Variants in BPIFA2 observed in about 807,000 individuals in gnomAD.
BPIFA2 encodes the protein BPI fold-containing family A member 2.
BPIFA2 carries 20 observed loss-of-function variants against 25.7 expected under a neutral mutation model. The ratio of observed to expected loss-of-function variants is 0.78; its 90% CI spans 0.55 to 1.13. The LOEUF is 1.13. Ranked by LOEUF, BPIFA2 falls within the 50% of genes most tolerant of loss-of-function variation. The pLI, the probability that BPIFA2 is intolerant of heterozygous loss-of-function variation, is 0.00. For missense variants in BPIFA2, 300 were observed against 298.1 expected, an observed-to-expected ratio of 1.01 and a Z score of -0.05; for synonymous variants, 126 against 124.3, an observed-to-expected ratio of 1.01 and a Z score of -0.09.
upstream of BPIFA2, among the ~76,000 whole-genome samples, chr20:33,163,984 C>T (rs1983649849): frequency 6.6e-6 from 1 of 152,082 alleles, no homozygotes; most frequent in Non-Finnish European, 1.5e-5. Context: ...CAGTCCCTGC[C>T]TCTGGTTGCT....
chr20:33,174,260 G>C (rs904455378), intron 4 of BPIFA2, 74 bp downstream of exon 4: 8 of 1,327,980 alleles, frequency 6.0e-6, no homozygotes, highest in Non-Finnish European at 8.7e-6. Flanking sequence ...CCTGGGAATC[G>C]GGCACCTCCT....
chr20:33,178,369 T>C (rs549553112), intron 6 of BPIFA2, 141 bp downstream of exon 6: 24 of 610,916 alleles, frequency 3.9e-5, no homozygotes, highest in South Asian at 2.9e-4. Context: ...AGCTTCCTCC[T>C]CTACTAATCA....
At chr20:33,173,208 C>T in intron 3 of BPIFA2, 132 bp downstream of exon 3, 1 of 1,063,806 alleles carries the variant, frequency 9.4e-7, no homozygotes. Context: ...GTGGTCTGAG[C>T]AAGGCCAGAC....
chr20:33,176,523 C>T (rs1984082871), intron 5 of BPIFA2, among the ~76,000 whole-genome samples: 2 of 152,230 alleles, frequency 1.3e-5, no homozygotes, highest in African/African-American at 4.8e-5. Context: ...AAGAAAGTTT[C>T]CATAGCCTGA....
At chr20:33,180,306 A>G (rs1288544410) in intron 7 of BPIFA2, among the ~76,000 whole-genome samples, 4 of 152,140 alleles carry the variant, frequency 2.6e-5, no homozygotes, top group African/African-American at 9.7e-5. Flanking sequence ...TGTACACACT[A>G]TCTCACTGGA....
upstream of BPIFA2, among the ~76,000 whole-genome samples, chr20:33,164,647 C>A: frequency 6.6e-6 from 1 of 151,856 alleles, no homozygotes; most frequent in South Asian, 2.1e-4. Context: ...TTCTTTCCCT[C>A]CCTCTCTCTT....
At chr20:33,179,960 G>T (rs542930092) in intron 7 of BPIFA2, among the ~76,000 whole-genome samples, 1 of 152,308 alleles carries the variant, frequency 6.6e-6, no homozygotes, top group South Asian at 2.1e-4. Flanking sequence ...GCTCACACTT[G>T]TAATCCTAGC....
chr20:33,175,688 T>A lies in BPIFA2; in HGVS notation c.563+129T>A, dbSNP rs777653455. ...TTCAGGCTCTGGAGTCATGTTGACCTTGGTTTACACATCAGCTCTGCCACT... is the reference window on the plus strand; with the variant it reads ...TTCAGGCTCTGGAGTCATGTTGACCATGGTTTACACATCAGCTCTGCCACT... On this transcript the variant is annotated intron_variant, in intron 5 of 8. Coordinates refer to ENST00000354932, the MANE Select transcript of BPIFA2 (RefSeq NM_080574.4). The A allele has an allele frequency of 6.1e-5, 63 of 1,031,008 alleles. 1 individual carries two copies. The highest frequency in any genetic ancestry group is 6.9e-5 in the Non-Finnish European group (50 of 726,738). 63.9% of individuals were successfully genotyped at this position (1,031,008 alleles called of 1,614,324 possible).
exon 1 of BPIFA2, chr20:33,161,876 C>G (rs886267065): frequency 1.3e-5 from 2 of 152,234 alleles, no homozygotes; most frequent in Admixed American, 6.5e-5. Context: ...AATTGTCCAG[C>G]AGAAACAGAG....
rs867201242 is a variant in BPIFA2, at chr20:33,179,604, A to T, written c.646A>T (p.Ile216Leu). The T allele has an allele frequency of 6.2e-7, 1 of 1,609,176 alleles. No homozygotes were observed. Among genetic ancestry groups the T allele is most frequent in the South Asian group, 1.1e-5 (1 of 90,980 alleles). Reference sequence around the variant, plus strand: ...CTCTTCCTCCTTTCTCCGCTGTCAGATATGTCCACTGATCCGCATCTTCAT... The same window carrying T: ...CTCTTCCTCCTTTCTCCGCTGTCAGTTATGTCCACTGATCCGCATCTTCAT... ...STVSSLLQKE[I>L]CPLIRIFIHS... The change falls in exon 7 of 9, where the codon ATA becomes TTA. Residue 216 changes from isoleucine (I) to leucine (L), a missense_variant and splice_region_variant. Physicochemically the swap from Ile to Leu is conservative, Grantham distance 5 (BLOSUM62 2). Transcript: ENST00000354932.
At chr20:33,164,841 C>T (rs1007989506), upstream of BPIFA2, among the ~76,000 whole-genome samples, 5 of 152,208 alleles carry the variant, frequency 3.3e-5, no homozygotes, top group Non-Finnish European at 5.9e-5. Flanking sequence ...GTGAAAACTC[C>T]TTTAAATTTT....
upstream of BPIFA2, among the ~76,000 whole-genome samples, chr20:33,167,688 G>A (rs1983765793): frequency 6.6e-6 from 1 of 152,154 alleles, no homozygotes; most frequent in African/African-American, 2.4e-5. Flanking sequence ...AGGACCCCTG[G>A]GAGGCTGTCT....
chr20:33,163,798 A>G (rs1452627949), upstream of BPIFA2, among the ~76,000 whole-genome samples: 1 of 151,830 alleles, frequency 6.6e-6, no homozygotes, highest in Non-Finnish European at 1.5e-5. Flanking sequence ...AAATATATAT[A>G]TATATATATG....
At chr20:33,175,644 A>G in intron 5 of BPIFA2, 85 bp downstream of exon 5, 1 of 1,438,454 alleles carries the variant, frequency 7.0e-7, no homozygotes, top group Non-Finnish European at 9.5e-7. Flanking sequence ...ACCTAAGAGG[A>G]GGCCTAGTGG....
intron 6 of BPIFA2, among the ~76,000 whole-genome samples, chr20:33,178,546 A>T (rs1984162941): frequency 6.6e-6 from 1 of 152,236 alleles, no homozygotes; most frequent in Non-Finnish European, 1.5e-5. Flanking sequence ...TATTTTTAAA[A>T]ATAAAACTTT....
At chr20:33,178,271 G>A in intron 6 of BPIFA2, 43 bp downstream of exon 6, 7 of 1,440,844 alleles carry the variant, frequency 4.9e-6, no homozygotes, top group South Asian at 1.2e-5. Flanking sequence ...GGCCTGGTGG[G>A]GGCAGGTGGG....
chr20:33,172,850 C>T, intron 2 of BPIFA2, 82 bp from the exon 3 acceptor site: 1 of 1,422,320 alleles, frequency 7.0e-7, no homozygotes, highest in Non-Finnish European at 9.5e-7. Flanking sequence ...ATAACATAGG[C>T]AAACAGTCTT....
At chr20:33,180,423 TCAGGTTAC>T in intron 7 of BPIFA2, 89 bp from the exon 8 acceptor site, 1 of 1,365,470 alleles carries the variant, frequency 7.3e-7, no homozygotes, top group South Asian at 1.2e-5. Context: ...CCCACAACTG[TCAGGTTAC>T]CGGCTGGAGA....
In BPIFA2 at chr20:33,169,316, G is replaced by T. The variant is rs765945427; in HGVS notation, c.157+14G>T. The T allele has an allele frequency of 1.2e-6, 2 of 1,612,840 alleles. No homozygotes were observed. The stretch of plus-strand genomic sequence containing the variant: ...ATACTCTTAAAGGTAAATCAACAAG[G>T]GTGATGAACAGTGTCACCTAAATTA... On this transcript the variant is annotated intron_variant, in intron 2 of 8. Coordinates refer to ENST00000354932, the MANE Select transcript of BPIFA2 (RefSeq NM_080574.4).
Sources: gnomAD v4.1 joint callset for allele counts (sites outside exome capture counted in the v4.1 genomes callset) on GRCh38, gnomAD v4.1.1 for gene constraint, MANE v1.5 for transcripts, NCBI Gene and HGNC (gene_info 2026-07-23, HGNC 2026-07-21) for gene names.